Variants in PAX8 observed in about 807,000 individuals in gnomAD.
PAX8 encodes paired box protein Pax-8.
PAX8 carries 15 observed loss-of-function variants against 52.4 expected under a neutral mutation model. The observed-to-expected ratio is 0.29, with a 90% confidence interval of 0.19 to 0.44. The LOEUF is 0.44. Among genes scored for constraint, PAX8 ranks in the 20% least tolerant of loss-of-function variants. The probability of loss-of-function intolerance (pLI) is 1.00; values close to 1 mark genes in which losing one functional copy is unlikely to be tolerated. For missense variants in PAX8, 554 were observed against 602.5 expected (o/e 0.92, Z 0.84); for synonymous variants, 284 against 249.7 (o/e 1.14, Z -1.29).
intron 2 of PAX8, among the ~76,000 whole-genome samples, chr2:113,261,094 G>C (rs561292565): frequency 6.6e-6 from 1 of 152,094 alleles, no homozygotes; most frequent in Admixed American, 6.5e-5. Flanking sequence ...GCACCATGGC[G>C]AAGGAGATTA....
chr2:113,228,448 T>G (rs1014987524), intron 9 of PAX8, among the ~76,000 whole-genome samples: 1 of 152,262 alleles, frequency 6.6e-6, no homozygotes, highest in African/African-American at 2.4e-5. Context: ...ATTGGCATGT[T>G]AGGCTGCACA....
At chr2:113,224,461 C>T (rs758644535) in intron 10 of PAX8, among the ~76,000 whole-genome samples, 1 of 150,092 alleles carries the variant, frequency 6.7e-6, no homozygotes, top group Non-Finnish European at 1.5e-5. Flanking sequence ...GCAGGAGAAT[C>T]ACTTGAACCC....
At chr2:113,255,464 G>A (rs1237218313) in intron 2 of PAX8, 1 of 152,390 alleles carries the variant, frequency 6.6e-6, no homozygotes, top group Non-Finnish European at 1.5e-5. Flanking sequence ...AAAGAGGTTT[G>A]CCCTGCTTCT....
chr2:113,248,888 C>G (rs1691538230), intron 2 of PAX8, among the ~76,000 whole-genome samples: 1 of 152,052 alleles, frequency 6.6e-6, no homozygotes, highest in Non-Finnish European at 1.5e-5. Context: ...ATTGCTTGAA[C>G]CTGGGAGGTG....
intron 9 of PAX8, among the ~76,000 whole-genome samples, chr2:113,234,622 G>A (rs1288536406): frequency 6.6e-6 from 1 of 152,224 alleles, no homozygotes; most frequent in Non-Finnish European, 1.5e-5. Context: ...CTGGGTTCAA[G>A]CGATTCTCCT....
Position 113,216,559 on chromosome 2 carries a change from G to A in PAX8, c.*1974C>T, listed in dbSNP as rs944143158. ...TGGACACCAGACAGCCCCCTGGAGT[G>A]CAGAGCCCGAGCTGTCACATTGCAT... On this transcript the variant is annotated 3_prime_UTR_variant, in exon 12 of 12. Transcript: ENST00000429538. 8.3e-5 allele frequency: 19 copies of A among 229,866 alleles called. No homozygotes were observed. Among genetic ancestry groups the A allele is most frequent in the Non-Finnish European group, 1.3e-4 (15 of 115,962 alleles). The allele number at this position is 229,866 out of a possible 1,614,324, so 14.2% of individuals were successfully genotyped here. A position where few individuals can be genotyped will look rare whatever the true frequency, so the allele number is the denominator to read the frequency against.
intron 2 of PAX8, among the ~76,000 whole-genome samples, chr2:113,255,997 A>G (rs973735912): frequency 6.6e-6 from 1 of 150,928 alleles, no homozygotes. Context: ...CAATCAGTAA[A>G]AAAAAAAAAA....
In PAX8 at chr2:113,218,123, A is replaced by G. The variant is rs1689088544; in HGVS notation, c.*410T>C. The G allele has an allele frequency of 4.1e-6, 1 of 241,314 alleles. No individual in the cohort carries two copies. The highest frequency in any genetic ancestry group is 8.1e-6 in the Non-Finnish European group (1 of 124,156). The allele number at this position is 241,314 out of a possible 1,614,324, so 14.9% of individuals were successfully genotyped here. A position where few individuals can be genotyped will look rare whatever the true frequency, so the allele number is the denominator to read the frequency against. On this transcript the variant is annotated 3_prime_UTR_variant, in exon 12 of 12. Coordinates refer to ENST00000429538, the MANE Select transcript of PAX8 (RefSeq NM_003466.4). ...GAAGTGCTTATGGTCCATAATTGCTAGAGTTGTGTTAATAATGGAGCCATG... is the reference window on the plus strand; with the variant it reads ...GAAGTGCTTATGGTCCATAATTGCTGGAGTTGTGTTAATAATGGAGCCATG...
chr2:113,245,055 T>TTTG lies in PAX8; in HGVS notation c.192-434_192-432dup, dbSNP rs1553414839. On this transcript the variant is annotated intron_variant, in intron 3 of 11. Coordinates refer to ENST00000429538, the MANE Select transcript of PAX8 (RefSeq NM_003466.4). ...ACTGAGGTTTTTTTTGTTTTTTTTT[T>TTTG]TTGTTTTTTGAGACAGGGTCTCAAT... is the stretch of plus-strand genomic sequence containing the variant. Among the ~76,000 whole-genome samples the TTTG allele has an allele frequency of 1.8e-3, 265 of 151,034 alleles. 1 individual carries two copies. Among genetic ancestry groups the TTTG allele is most frequent in the African/African-American group, 5.9e-3 (245 of 41,310 alleles).
chr2:113,240,812 G>T (rs1160373583), intron 7 of PAX8: 1 of 154,854 alleles, frequency 6.5e-6, no homozygotes, highest in African/African-American at 2.4e-5. Flanking sequence ...GAATAAAAAC[G>T]ATGTTTAACG....
chr2:113,248,165 G>T (rs558986048), intron 2 of PAX8, among the ~76,000 whole-genome samples: 1 of 152,322 alleles, frequency 6.6e-6, no homozygotes, highest in South Asian at 2.1e-4. Flanking sequence ...GCTAATTTCA[G>T]GGCCGAGATT....
chr2:113,219,267 G>T (rs1689146028), intron 11 of PAX8, among the ~76,000 whole-genome samples: 1 of 152,170 alleles, frequency 6.6e-6, no homozygotes, highest in Non-Finnish European at 1.5e-5. Flanking sequence ...AGGAGAGGGG[G>T]TCTTGGGGAA....
At chr2:113,236,825 G>A in intron 7 of PAX8, 104 bp from the exon 8 acceptor site, 2 of 1,359,676 alleles carry the variant, frequency 1.5e-6, no homozygotes, top group Non-Finnish European at 2.0e-6. Flanking sequence ...CATCTCCCCA[G>A]GAGAGGTCCT....
At chr2:113,260,814 T>A (rs572678317) in intron 2 of PAX8, among the ~76,000 whole-genome samples, 40 of 152,056 alleles carry the variant, frequency 2.6e-4, no homozygotes, top group Admixed American at 7.9e-4. Flanking sequence ...GGAGGAGGCA[T>A]TTGTAAAGGG....
At chr2:113,263,897 C>T (rs146259330) in intron 2 of PAX8, among the ~76,000 whole-genome samples, 143 of 150,694 alleles carry the variant, frequency 9.5e-4, no homozygotes, top group African/African-American at 3.3e-3. Context: ...ATAGACCACA[C>T]TTGAGAAACA....
intron 2 of PAX8, among the ~76,000 whole-genome samples, chr2:113,261,549 G>A (rs1251782807): frequency 6.6e-6 from 1 of 152,234 alleles, no homozygotes. Context: ...AGACTATGAA[G>A]GTGGATGTGC....
chr2:113,272,643 T>C (rs1006108513), intron 2 of PAX8: 5 of 152,184 alleles, frequency 3.3e-5, no homozygotes, highest in Non-Finnish European at 5.9e-5. Flanking sequence ...ATTGTCATGC[T>C]CTGTACTCCT....
At chr2:113,246,422 T>G (rs1248594762) in intron 3 of PAX8, among the ~76,000 whole-genome samples, 1 of 152,066 alleles carries the variant, frequency 6.6e-6, no homozygotes, top group South Asian at 2.1e-4. Context: ...TAGGTCTCGG[T>G]AGGAGGAGGA....
intron 2 of PAX8, among the ~76,000 whole-genome samples, chr2:113,248,076 A>G (rs1691470878): frequency 6.6e-6 from 1 of 152,214 alleles, no homozygotes; most frequent in South Asian, 2.1e-4. Context: ...CAGAATGTGC[A>G]AAGACTCAGA....
Sources: gnomAD v4.1 joint callset for allele counts (sites outside exome capture counted in the v4.1 genomes callset) on GRCh38, gnomAD v4.1.1 for gene constraint, MANE v1.5 for transcripts, NCBI Gene and HGNC (gene_info 2026-07-23, HGNC 2026-07-21) for gene names.